Variants in PDLIM5 observed in about 807,000 individuals in gnomAD.
The protein encoded by PDLIM5 is PDZ and LIM domain 5.
In PDLIM5, 34 loss-of-function variants were observed where a neutral mutation model predicts 64.2. The observed-to-expected ratio is 0.53, with a 90% CI of 0.40 to 0.71. The LOEUF (loss-of-function observed/expected upper bound fraction) is 0.71, where lower values mean the gene tolerates loss of function less well. Ranked by LOEUF, PDLIM5 falls within the 30% of genes least tolerant of loss-of-function variation. The pLI is 0.00. For synonymous variants in PDLIM5, 253 were observed against 269.1 expected (o/e 0.94, Z 0.59); for missense variants, 683 against 733.6 (o/e 0.93, Z 0.80).
At position 94,603,406 on chromosome 4, in the gene PDLIM5, A is replaced by T. The variant is rs1483001276; in HGVS notation, c.921-14598A>T. On this transcript the variant is annotated intron_variant, in intron 7 of 12. Transcript: ENST00000317968. ...TAAGTTAGTGCTTATCATAGTCTGG[A>T]TGAGAGAGGGTGGTAGCAGAGAAAT... 2.0e-5 allele frequency among the ~76,000 whole-genome samples: 3 copies of T among 152,140 alleles called. No homozygotes were observed. The South Asian group carries it at 6.2e-4, about 32-fold the overall frequency.
intron 3 of PDLIM5, among the ~76,000 whole-genome samples, chr4:94,570,542 C>G (rs1012043907): frequency 2.6e-5 from 4 of 152,056 alleles, no homozygotes; most frequent in Non-Finnish European, 5.9e-5. Context: ...TAATCTCAAA[C>G]CATTTAGAAA....
intron 9 of PDLIM5, 23 bp downstream of exon 9, chr4:94,640,473 C>A: frequency 1.5e-6 from 2 of 1,351,138 alleles, no homozygotes; most frequent in Non-Finnish European, 2.0e-6. Context: ...TTGAAATTTT[C>A]TTGAAAGTAC....
intron 7 of PDLIM5, among the ~76,000 whole-genome samples, chr4:94,617,200 A>AT (rs553104307): frequency 3.7e-4 from 55 of 150,300 alleles, no homozygotes; most frequent in South Asian, 3.0e-3. Context: ...TAGAATTATT[A>AT]TTTTTTTTTT....
intron 2 of PDLIM5, among the ~76,000 whole-genome samples, chr4:94,501,708 T>C (rs1481554400): frequency 6.6e-6 from 1 of 152,236 alleles, no homozygotes; most frequent in Admixed American, 6.5e-5. Context: ...AGCTGTGCTC[T>C]ATATTATTTC....
chr4:94,596,253 G>A (rs754106959), intron 7 of PDLIM5, among the ~76,000 whole-genome samples: 51 of 152,134 alleles, frequency 3.4e-4, no homozygotes, highest in African/African-American at 1.0e-3. Flanking sequence ...CAAATTAAAC[G>A]TGTACTATTA....
intron 9 of PDLIM5, among the ~76,000 whole-genome samples, chr4:94,644,913 T>C (rs1741292800): frequency 6.6e-6 from 1 of 152,084 alleles, no homozygotes; most frequent in Non-Finnish European, 1.5e-5. Flanking sequence ...TATTATTCTT[T>C]TTTTTTTAAT....
At chr4:94,477,053 C>T (rs1422528440) in intron 2 of PDLIM5, among the ~76,000 whole-genome samples, 1 of 152,194 alleles carries the variant, frequency 6.6e-6, no homozygotes, top group African/African-American at 2.4e-5. Flanking sequence ...CAAGCATCAA[C>T]ACATGCCCCT....
chr4:94,647,288 CAAGTAA>C (rs1741490854), intron 9 of PDLIM5, among the ~76,000 whole-genome samples: 1 of 151,776 alleles, frequency 6.6e-6, no homozygotes, highest in African/African-American at 2.4e-5. Flanking sequence ...AAATATGTTA[CAAGTAA>C]AAGTATAGAA....
intron 11 of PDLIM5, among the ~76,000 whole-genome samples, chr4:94,658,484 A>G (rs1194495391): frequency 6.6e-6 from 1 of 152,258 alleles, no homozygotes; most frequent in Non-Finnish European, 1.5e-5. Flanking sequence ...ATGTTTCAAA[A>G]TACAAAACAT....
chr4:94,490,393 TA>T (rs1726763999), intron 2 of PDLIM5, among the ~76,000 whole-genome samples: 2 of 152,068 alleles, frequency 1.3e-5, no homozygotes, highest in Admixed American at 1.3e-4. Context: ...ATAAGCTTAT[TA>T]AAGACTTATA....
intron 2 of PDLIM5, among the ~76,000 whole-genome samples, chr4:94,468,496 T>G (rs1724567261): frequency 6.6e-6 from 1 of 152,110 alleles, no homozygotes; most frequent in South Asian, 2.1e-4. Flanking sequence ...AGAGAAGACA[T>G]AAAAAGGAAA....
Position 94,576,027 on chromosome 4 carries a change from C to A in PDLIM5, c.703C>A (p.Gln235Lys). ...AGGATCCCAGGGTGACAGTAAACAGCAAAATGGGTAGGTGGCTAAGGTGCT... is the reference window on the plus strand; with the variant it reads ...AGGATCCCAGGGTGACAGTAAACAGAAAAATGGGTAGGTGGCTAAGGTGCT... The part of the protein sequence containing the change: ...RRGSQGDSKQ[Q>K]NGPPRKHIVE... The change falls in exon 5 of 13, where the codon CAA (glutamine) becomes AAA (lysine). Residue 235 changes from glutamine to lysine, a missense_variant. Physicochemically the swap from Gln to Lys is moderately conservative, Grantham distance 53. Coordinates refer to ENST00000317968, the MANE Select transcript of PDLIM5 (RefSeq NM_006457.5). 6.2e-7 allele frequency: 1 copy of A among 1,612,126 alleles called. No individual in the cohort carries two copies. The highest frequency in any genetic ancestry group is 8.5e-7 in the Non-Finnish European group (1 of 1,178,560).
chr4:94,536,440 T>C (rs1560686061), intron 3 of PDLIM5, among the ~76,000 whole-genome samples: 1 of 152,156 alleles, frequency 6.6e-6, no homozygotes, highest in Admixed American at 6.5e-5. Context: ...ATTTCCTGGA[T>C]GAAAAGGAGT....
chr4:94,505,769 G>A (rs912528430), intron 2 of PDLIM5, among the ~76,000 whole-genome samples: 1 of 152,184 alleles, frequency 6.6e-6, no homozygotes, highest in African/African-American at 2.4e-5. Flanking sequence ...TATGAAAAGG[G>A]GAACAGCGCT....
chr4:94,644,543 T>A (rs1168620696), intron 9 of PDLIM5, among the ~76,000 whole-genome samples: 1 of 151,886 alleles, frequency 6.6e-6, no homozygotes, highest in Non-Finnish European at 1.5e-5. Flanking sequence ...TTTTTTTTTT[T>A]GAGATGGAAT....
At chr4:94,474,859 C>G (rs1401344557) in intron 2 of PDLIM5, among the ~76,000 whole-genome samples, 1 of 152,090 alleles carries the variant, frequency 6.6e-6, no homozygotes, top group Non-Finnish European at 1.5e-5. Context: ...GCCATTTTGA[C>G]CAGGCTGGTA....
intron 3 of PDLIM5, among the ~76,000 whole-genome samples, chr4:94,549,581 GTAT>G (rs1732621989): frequency 6.6e-6 from 1 of 152,138 alleles, no homozygotes; most frequent in South Asian, 2.1e-4. Flanking sequence ...GGAACAATAT[GTAT>G]TATTATGAAC....
intron 7 of PDLIM5, among the ~76,000 whole-genome samples, chr4:94,593,364 G>T (rs138882991): frequency 1.3e-5 from 2 of 152,162 alleles, no homozygotes; most frequent in Non-Finnish European, 2.9e-5. Flanking sequence ...GACTGGTTAG[G>T]TGGGACAGTA....
intron 8 of PDLIM5, among the ~76,000 whole-genome samples, chr4:94,637,677 G>A (rs1740680057): frequency 1.3e-5 from 2 of 152,166 alleles, no homozygotes; most frequent in African/African-American, 4.8e-5. Context: ...GAAAGGATAA[G>A]GTTTTACAGA....
Sources: gnomAD v4.1 joint callset for allele counts (sites outside exome capture counted in the v4.1 genomes callset) on GRCh38, gnomAD v4.1.1 for gene constraint, MANE v1.5 for transcripts, NCBI Gene and HGNC (gene_info 2026-07-23, HGNC 2026-07-21) for gene names.